The following PAPPA variants were observed in gnomAD, a reference collection of about 807,000 sequenced individuals.
PAPPA encodes the protein pappalysin-1.
Under a neutral mutation model 164.0 loss-of-function variants are expected in PAPPA, and 60 were observed. That is an observed-to-expected ratio of 0.37 (90% CI 0.30 to 0.45). PAPPA has a LOEUF of 0.45. Among genes scored for constraint, PAPPA ranks in the 20% least tolerant of loss-of-function variants. PAPPA has a pLI of 1.00. For missense variants in PAPPA, 1,782 were observed against 2,087.3 expected (o/e 0.85, Z 2.85); for synonymous variants, 875 against 814.1 (o/e 1.07, Z -1.27).
chr9:116,381,077 A>G (rs1201383391), intron 20 of PAPPA, among the ~76,000 whole-genome samples: 1 of 152,208 alleles, frequency 6.6e-6, no homozygotes, highest in African/African-American at 2.4e-5. Context: ...ATGTCACACA[A>G]TATGGCATTT....
At chr9:116,334,271 G>T (rs1180641303) in intron 12 of PAPPA, among the ~76,000 whole-genome samples, 5 of 144,806 alleles carry the variant, frequency 3.5e-5, no homozygotes. Flanking sequence ...CAGGGCTCTT[G>T]AGTGAGGCAA....
intron 1 of PAPPA, among the ~76,000 whole-genome samples, chr9:116,174,212 C>T (rs933913496): frequency 1.3e-5 from 2 of 152,192 alleles, no homozygotes; most frequent in African/African-American, 4.8e-5. Flanking sequence ...CATTGCCCTC[C>T]CTGCCTAGAA....
rs545812326 is a variant in PAPPA, at chr9:116,339,777, C to A, written c.3611+4703C>A. Among the ~76,000 whole-genome samples, 7 of 152,244 alleles carry A rather than the reference C, an allele frequency of 4.6e-5. No homozygotes were observed. In the East Asian group the frequency reaches 1.4e-3, roughly 29 times the overall value. ...TCAAGGAACAGAACCAGGAGAGGGA[C>A]CCTTGTCAGCCCTTTAACTTCTGGC... On this transcript the variant is annotated intron_variant, in intron 13 of 21. Coordinates refer to ENST00000328252, the MANE Select transcript of PAPPA (RefSeq NM_002581.5).
intron 12 of PAPPA, among the ~76,000 whole-genome samples, chr9:116,334,597 G>A (rs73656807): frequency 3.3e-5 from 5 of 152,114 alleles, no homozygotes; most frequent in Non-Finnish European, 5.9e-5. Flanking sequence ...TGGCCATTTG[G>A]GGGAGGGAGA....
At chr9:116,199,164 G>A (rs1305601461) in intron 2 of PAPPA, among the ~76,000 whole-genome samples, 2 of 152,098 alleles carry the variant, frequency 1.3e-5, no homozygotes, top group Non-Finnish European at 2.9e-5. Flanking sequence ...AAATTCTCAG[G>A]ATTCTCCACC....
At chr9:116,316,332 G>A (rs3747825) in intron 10 of PAPPA, 84,798 of 152,118 alleles carry the variant, frequency 0.56, 25,994 homozygotes, top group Middle Eastern at 0.74. Flanking sequence ...GATTTAAAAT[G>A]CATGTGTCTT....
intron 20 of PAPPA, among the ~76,000 whole-genome samples, chr9:116,380,564 T>C (rs912711626): frequency 2.0e-5 from 3 of 152,212 alleles, no homozygotes; most frequent in South Asian, 4.1e-4. Context: ...CACAGGCAGA[T>C]CTCCTGAGGC....
At chr9:116,364,902 T>A (rs533379723) in intron 18 of PAPPA, among the ~76,000 whole-genome samples, 106 of 152,270 alleles carry the variant, frequency 7.0e-4, no homozygotes, top group Non-Finnish European at 1.1e-3. Context: ...GGCACCCAGA[T>A]GTCCATCTTA....
In PAPPA at chr9:116,206,252, T is replaced by G. The variant is rs10983078; in HGVS notation, c.1479-1204T>G. ...TGGGCCCACCTATCTCCAACTCATG[T>G]TTTTTGTGAAAACATGTACAAATTA... On this transcript the variant is annotated intron_variant, in intron 2 of 21. Coordinates refer to ENST00000328252, the MANE Select transcript of PAPPA (RefSeq NM_002581.5). 6.6e-3 allele frequency among the ~76,000 whole-genome samples: 1,001 copies of G among 152,274 alleles called. 29 individuals carry two copies. The highest frequency in any genetic ancestry group is 0.045 in the Admixed American group (692 of 15,290).
intron 10 of PAPPA, among the ~76,000 whole-genome samples, chr9:116,324,127 T>C (rs1364520175): frequency 6.6e-6 from 1 of 152,186 alleles, no homozygotes; most frequent in Non-Finnish European, 1.5e-5. Context: ...ATATCTATTC[T>C]CTTATTTAAA....
intron 9 of PAPPA, among the ~76,000 whole-genome samples, chr9:116,277,902 A>T (rs1041230966): frequency 2.6e-5 from 4 of 152,194 alleles, no homozygotes; most frequent in Non-Finnish European, 5.9e-5. Flanking sequence ...TCCTGACCTC[A>T]GGTGATCTGC....
chr9:116,256,073 G>A (rs1048130624), intron 7 of PAPPA, among the ~76,000 whole-genome samples: 3 of 149,960 alleles, frequency 2.0e-5, no homozygotes, highest in African/African-American at 7.3e-5. Context: ...ACGTAAAATC[G>A]CTCTGAGGGA....
intron 21 of PAPPA, among the ~76,000 whole-genome samples, chr9:116,393,813 G>A (rs965953382): frequency 1.1e-4 from 17 of 152,070 alleles, no homozygotes; most frequent in Non-Finnish European, 1.5e-4. Flanking sequence ...GAGTATCTGG[G>A]GAACCAATAA....
intron 9 of PAPPA, among the ~76,000 whole-genome samples, chr9:116,292,116 A>G (rs79194533): frequency 0.089 from 13,564 of 152,304 alleles, 700 homozygotes; most frequent in South Asian, 0.16. Context: ...GAATGAATGC[A>G]TGAATGAATG....
chr9:116,219,509 A>G (rs1376698132), intron 4 of PAPPA, among the ~76,000 whole-genome samples: 2 of 152,222 alleles, frequency 1.3e-5, no homozygotes, highest in Non-Finnish European at 2.9e-5. Flanking sequence ...GAGTGAATGG[A>G]TAAACAAGTG....
intron 21 of PAPPA, among the ~76,000 whole-genome samples, chr9:116,391,254 A>AAACTT (rs1846889015): frequency 6.6e-6 from 1 of 152,190 alleles, no homozygotes; most frequent in Non-Finnish European, 1.5e-5. Context: ...TACCTTTAAG[A>AAACTT]AACTTACAGG....
At chr9:116,264,683 T>C (rs10122701) in intron 7 of PAPPA, among the ~76,000 whole-genome samples, 68,875 of 152,038 alleles carry the variant, frequency 0.45, 16,881 homozygotes, top group East Asian at 0.86. Flanking sequence ...TCCCCCCCAA[T>C]GCTGGAATCT....
rs184004148 is a variant in PAPPA, at chr9:116,331,182, G to C, written c.3148-62G>C. On this transcript the variant is annotated intron_variant, in intron 10 of 21. Transcript: ENST00000328252. ...GTGAACAGTAAAGGTTTGTAAAATT[G>C]AATTTAGTTGAACTTCTGACACTCT... 766 of 1,067,824 alleles carry C rather than the reference G, an allele frequency of 7.2e-4. 13 individuals are homozygous for C. The highest frequency in any genetic ancestry group is 6.6e-3 in the South Asian group (496 of 74,934). The allele number at this position is 1,067,824 out of a possible 1,614,324, so 66.1% of individuals were successfully genotyped here.
chr9:116,170,262 TG>T (rs1220143933), intron 1 of PAPPA, among the ~76,000 whole-genome samples: 4 of 152,186 alleles, frequency 2.6e-5, no homozygotes, highest in African/African-American at 4.8e-5. Flanking sequence ...AGAATGTTGA[TG>T]TTGAGTTGTC....
Sources: allele counts gnomAD v4.1 joint callset (sites outside exome capture counted in the v4.1 genomes callset), GRCh38; gene constraint gnomAD v4.1.1; transcripts MANE v1.5; gene names NCBI Gene and HGNC (gene_info 2026-07-23, HGNC 2026-07-21).